Variants in GMDS observed in about 807,000 individuals in gnomAD.
GMDS encodes GDP-mannose 4,6-dehydratase.
A neutral mutation model predicts 49.9 loss-of-function variants in GMDS; 20 were observed. That is an observed-to-expected ratio of 0.40 (90% CI 0.28 to 0.58). The LOEUF (loss-of-function observed/expected upper bound fraction) is 0.58. GMDS is among the 20% of genes least tolerant of loss of function. The pLI, the probability that GMDS is intolerant of heterozygous loss-of-function variation, is 0.42. For missense variants in GMDS, 362 were observed against 481.4 expected (o/e 0.75, Z 2.32); for synonymous variants, 177 against 178.6 (o/e 0.99, Z 0.07).
At chr6:1,905,036 G>C (rs1231773166) in intron 7 of GMDS, among the ~76,000 whole-genome samples, 1 of 152,252 alleles carries the variant, frequency 6.6e-6, no homozygotes, top group African/African-American at 2.4e-5. Context: ...GCCCAAGCAA[G>C]TAAGAACAGC....
rs116331122 is a variant in GMDS at position 2,219,164 on chromosome 6, G to A, written c.102+26157C>T. Among the ~76,000 whole-genome samples the A allele has an allele frequency of 1.5e-3, 223 of 152,210 alleles. 1 individual carries two copies. The highest frequency in any genetic ancestry group is 5.1e-3 in the African/African-American group (212 of 41,522). ...TGAGAAGAGGAAATGGGGAGGTGGC[G>A]GACAGGCATAGGACGACTCACCTGA... On this transcript the variant is annotated intron_variant, in intron 1 of 10. Transcript: ENST00000380815.
At chr6:2,201,413 G>C (rs1211745833) in intron 1 of GMDS, among the ~76,000 whole-genome samples, 1 of 108,272 alleles carries the variant, frequency 9.2e-6, no homozygotes, top group Non-Finnish European at 1.9e-5. Flanking sequence ...AGTGAGGGCA[G>C]CATGTTAGCA....
intron 9 of GMDS, among the ~76,000 whole-genome samples, chr6:1,668,849 A>G (rs1764319199): frequency 6.6e-6 from 1 of 152,256 alleles, no homozygotes; most frequent in African/African-American, 2.4e-5. Flanking sequence ...AAAGATGTAT[A>G]ACTAGACAAA....
chr6:1,997,731 G>A (rs1430514086), intron 4 of GMDS, among the ~76,000 whole-genome samples: 1 of 152,030 alleles, frequency 6.6e-6, no homozygotes, highest in African/African-American at 2.4e-5. Context: ...CCAATTTGGT[G>A]AGCAGAGACC....
At chr6:2,026,676 A>C (rs1768620067) in intron 4 of GMDS, among the ~76,000 whole-genome samples, 1 of 152,212 alleles carries the variant, frequency 6.6e-6, no homozygotes, top group South Asian at 2.1e-4. Context: ...ACTTCCTGGG[A>C]ATTCCTCCCA....
intron 7 of GMDS, among the ~76,000 whole-genome samples, chr6:1,855,670 TTAC>T (rs1352099426): frequency 6.6e-6 from 1 of 152,216 alleles, no homozygotes; most frequent in African/African-American, 2.4e-5. Context: ...GATAAAAATG[TTAC>T]TTTTGTTAAC....
chr6:1,879,746 A>G (rs1759272485), intron 7 of GMDS, among the ~76,000 whole-genome samples: 1 of 152,212 alleles, frequency 6.6e-6, no homozygotes, highest in Non-Finnish European at 1.5e-5. Flanking sequence ...TAACCAACTC[A>G]GACATCTGTT....
intron 6 of GMDS, among the ~76,000 whole-genome samples, chr6:1,958,110 AAT>A (rs897948814): frequency 5.1e-5 from 7 of 138,028 alleles, no homozygotes; most frequent in Non-Finnish European, 7.7e-5. Flanking sequence ...CTGGCCTTAA[AAT>A]ATGTTTTTTT....
At chr6:1,741,308 C>T (rs930252599) in intron 8 of GMDS, among the ~76,000 whole-genome samples, 1 of 152,086 alleles carries the variant, frequency 6.6e-6, no homozygotes, top group African/African-American at 2.4e-5. Flanking sequence ...TTACTTTGTA[C>T]CCATTTACCA....
At chr6:2,057,743 G>A (rs1770862805) in intron 4 of GMDS, among the ~76,000 whole-genome samples, 1 of 152,118 alleles carries the variant, frequency 6.6e-6, no homozygotes, top group East Asian at 1.9e-4. Flanking sequence ...TCAGAGTACT[G>A]GGGATCAATA....
chr6:1,796,969 C>G (rs1287738350), intron 7 of GMDS, among the ~76,000 whole-genome samples: 3 of 152,202 alleles, frequency 2.0e-5, no homozygotes, highest in Non-Finnish European at 2.9e-5. Flanking sequence ...ATATGCCCAA[C>G]AAATGATCCT....
At chr6:2,124,756 A>G in intron 1 of GMDS, 25 bp from the exon 2 acceptor site, 1 of 1,594,454 alleles carries the variant, frequency 6.3e-7, no homozygotes, top group Non-Finnish European at 8.6e-7. Context: ...AAAATTGCAA[A>G]ACGTCAGTCT....
Position 1,640,344 on chromosome 6 carries a change from C to T in GMDS, c.988-15804G>A, listed in dbSNP as rs115365839. On this transcript the variant is annotated intron_variant, in intron 9 of 10. Coordinates refer to ENST00000380815, the MANE Select transcript of GMDS (RefSeq NM_001500.4). The surrounding 1 kb of genome is among the most constrained non-coding windows in gnomAD (Gnocchi z 4.0). ...ACTTAGGTTGACACTAGATTCACCA[C>T]GTTTGAGGTGGCTTGGTGTCCTCAT... 2.7e-3 allele frequency among the ~76,000 whole-genome samples: 411 copies of T among 152,290 alleles called. No individual in the cohort carries two copies. The highest frequency in any genetic ancestry group is 9.3e-3 in the African/African-American group (386 of 41,560).
At chr6:1,971,646 C>G (rs1764620218) in intron 4 of GMDS, among the ~76,000 whole-genome samples, 2 of 152,106 alleles carry the variant, frequency 1.3e-5, no homozygotes, top group Non-Finnish European at 2.9e-5. Flanking sequence ...CTCCCAGTGA[C>G]TCTGATGAGA....
intron 4 of GMDS, among the ~76,000 whole-genome samples, chr6:2,104,412 T>C (rs1341063913): frequency 2.6e-5 from 4 of 152,250 alleles, no homozygotes; most frequent in Non-Finnish European, 4.4e-5. Context: ...TGGAGTCAGT[T>C]TGTACTGTCA....
At chr6:1,637,416 T>C (rs1451490886) in intron 9 of GMDS, among the ~76,000 whole-genome samples, 1 of 152,226 alleles carries the variant, frequency 6.6e-6, no homozygotes, top group Non-Finnish European at 1.5e-5. Flanking sequence ...CCGAGGAAAC[T>C]ACTGCTTCAA....
intron 5 of GMDS, 74 bp from the exon 6 acceptor site, chr6:1,960,045 C>T (rs1398288830): frequency 2.5e-6 from 2 of 809,066 alleles, no homozygotes; most frequent in Non-Finnish European, 4.0e-6. Flanking sequence ...TCAACAGTAA[C>T]ATCTTGGCCG....
At chr6:1,992,053 T>G (rs182944850) in intron 4 of GMDS, among the ~76,000 whole-genome samples, 4 of 152,208 alleles carry the variant, frequency 2.6e-5, no homozygotes, top group Non-Finnish European at 5.9e-5. Context: ...GACACCTTAG[T>G]TTTGGACATT....
chr6:1,784,209 T>A (rs781584399), intron 7 of GMDS, among the ~76,000 whole-genome samples: 1 of 151,924 alleles, frequency 6.6e-6, no homozygotes, highest in East Asian at 1.9e-4. Context: ...CTGACCAACA[T>A]GGTGAAACCC....
Sources: allele counts gnomAD v4.1 joint callset (sites outside exome capture counted in the v4.1 genomes callset), GRCh38; gene constraint gnomAD v4.1.1; non-coding constraint Gnocchi (gnomAD v3.1); transcripts MANE v1.5; gene names NCBI Gene and HGNC (gene_info 2026-07-23, HGNC 2026-07-21).